Variants in USP42 observed in about 807,000 individuals in gnomAD.
USP42 encodes the protein ubiquitin specific peptidase 42.
In USP42, 23 loss-of-function variants were observed where a neutral mutation model predicts 113.0. That is an observed-to-expected ratio of 0.20 (90% CI 0.15 to 0.29). USP42 has a LOEUF of 0.29. Ranked by LOEUF, USP42 falls within the 10% of genes least tolerant of loss-of-function variation. USP42 has a pLI of 1.00. For synonymous variants in USP42, 933 were observed against 699.0 expected (o/e 1.33, Z -5.28); for missense variants, 2,174 against 1,779.8 (o/e 1.22, Z -3.99).
chr7:6,119,074 A>G (rs1470197212), intron 3 of USP42, among the ~76,000 whole-genome samples: 3 of 151,224 alleles, frequency 2.0e-5, no homozygotes, highest in East Asian at 1.9e-4. Context: ...AATTAGCTGC[A>G]TCTGGGAACT....
In USP42 at chr7:6,159,673, AC is replaced by A. The variant is rs2128529852; in HGVS notation, c.*36+182del. On this transcript the variant is annotated intron_variant, in intron 17 of 17. Coordinates refer to ENST00000306177, the MANE Select transcript of USP42 (RefSeq NM_032172.3). This position sits in a 1 kb window ranked among gnomAD's most constrained non-coding sequence, Gnocchi z 4.1. ...ACCCAGGCCACGCGCTTGGGGACAG[AC>A]CTAGACCCTCCACCTCATCACGTTT... 6.6e-6 allele frequency among the ~76,000 whole-genome samples: 1 copy of A among 152,112 alleles called. No individual in the cohort carries two copies. The highest frequency in any genetic ancestry group is 2.1e-4 in the South Asian group (1 of 4,820).
At chr7:6,140,291 A>G in intron 6 of USP42, 96 bp downstream of exon 6, 2 of 1,133,380 alleles carry the variant, frequency 1.8e-6, no homozygotes, top group Non-Finnish European at 2.6e-6. Context: ...AAGGAAGGAA[A>G]AGTGCTTCTC....
In USP42 at chr7:6,143,004, A is replaced by G; in HGVS notation, c.868A>G (p.Lys290Glu). The change falls in exon 8 of 18, where the codon AAG (lysine) becomes GAG (glutamate). Residue 290 changes from lysine to glutamate, a missense_variant. By Grantham distance (56) the Lys-to-Glu change is moderately conservative. Coordinates refer to ENST00000306177, the MANE Select transcript of USP42 (RefSeq NM_032172.3). ...ACAGCTTGATGGAGAAAACTCGTACAAGTGCAGCAAGTACGTTGGGTGGTG... is the reference window on the plus strand; with the variant it reads ...ACAGCTTGATGGAGAAAACTCGTACGAGTGCAGCAAGTACGTTGGGTGGTG... ...PEQLDGENSY[K>E]CSKCKKMVPA... is the part of the protein sequence containing the mutation. 6.2e-7 allele frequency: 1 copy of G among 1,613,956 alleles called. No homozygotes were observed.
chr7:6,088,071 A>G, the USP42 span, among the ~76,000 whole-genome samples: 31 of 151,028 alleles, frequency 2.1e-4, no homozygotes, highest in South Asian at 1.5e-3. Context: ...AGGCCAAGGC[A>G]GGAGGATTGC....
At chr7:6,095,604 G>A in the USP42 span, among the ~76,000 whole-genome samples, 4 of 151,054 alleles carry the variant, frequency 2.6e-5, no homozygotes, top group Non-Finnish European at 5.9e-5. Context: ...GGGAGGCGGA[G>A]GTTGCAATGA....
intron 14 of USP42, among the ~76,000 whole-genome samples, chr7:6,150,804 A>G (rs973964902): frequency 5.3e-5 from 8 of 152,036 alleles, no homozygotes; most frequent in African/African-American, 1.9e-4. Flanking sequence ...GTGCCATCTC[A>G]TTTCATCTTT....
At position 6,159,627 on chromosome 7, in the gene USP42, G is replaced by C; in HGVS notation, c.*36+134G>C. The C allele has an allele frequency of 1.1e-6, 1 of 881,260 alleles. No individual in the cohort carries two copies. Among genetic ancestry groups the C allele is most frequent in the South Asian group, 1.7e-5 (1 of 58,928 alleles). The allele number at this position is 881,260 out of a possible 1,614,324, so 54.6% of individuals were successfully genotyped here. A position where few individuals can be genotyped will look rare whatever the true frequency, so the allele number is the denominator to read the frequency against. On this transcript the variant is annotated intron_variant, in intron 17 of 17. Coordinates refer to ENST00000306177, the MANE Select transcript of USP42 (RefSeq NM_032172.3). This position sits in a 1 kb window ranked among gnomAD's most constrained non-coding sequence, Gnocchi z 4.1. The stretch of plus-strand genomic sequence containing the variant: ...TTGGCAGAGCCATGGAGAGGCCCCG[G>C]CAGGTTCCCAGCCAGCCCAGACCCA...
rs934929744 is a variant in USP42 at position 6,145,564 on chromosome 7, C to A, written c.1039C>A (p.Pro347Thr). The A allele has an allele frequency of 1.9e-6, 3 of 1,613,968 alleles. No homozygotes were observed. The highest frequency in any genetic ancestry group is 1.7e-5 in the Admixed American group (1 of 60,028). ...TGATATTCGGCCATATATGTCTCAA[C>A]CCAACGGAGAGCCAATTGTCTACGT... is the stretch of plus-strand genomic sequence containing the variant. ...YLDIRPYMSQ[P>T]NGEPIVYVLY... is the part of the protein sequence containing the mutation. Residue 347 changes from proline (P) to threonine (T), a missense_variant, in exon 10 of 18, where the codon CCC (proline) becomes ACC (threonine). Transcript: ENST00000306177.
intron 7 of USP42, among the ~76,000 whole-genome samples, chr7:6,141,205 T>C (rs533087797): frequency 1.2e-4 from 18 of 146,472 alleles, no homozygotes; most frequent in Non-Finnish European, 2.0e-4. Context: ...TCTTTTCTTT[T>C]TTTTTTTTTT....
intron 3 of USP42, among the ~76,000 whole-genome samples, chr7:6,129,641 A>T (rs1045743978): frequency 2.6e-5 from 4 of 151,590 alleles, no homozygotes; most frequent in Non-Finnish European, 4.4e-5. Flanking sequence ...CGGGCGGATT[A>T]CCTGAGGTCA....
chr7:6,111,183 A>G lies in USP42; in HGVS notation c.50A>G (p.Gln17Arg). The G allele has an allele frequency of 6.2e-7, 1 of 1,613,188 alleles. No individual in the cohort carries two copies. Among genetic ancestry groups the G allele is most frequent in the Middle Eastern group, 1.7e-4 (1 of 6,058 alleles). Residue 17 changes from glutamine to arginine, a missense_variant, in exon 2 of 18, where the codon CAG (glutamine) becomes CGG (arginine). Physicochemically the swap from Gln to Arg is conservative, Grantham distance 43. Transcript: ENST00000306177. Reference protein sequence around the residue: ...ASESSDPSAYQNQPGSSEAVS... With the variant: ...ASESSDPSAYRNQPGSSEAVS... The stretch of plus-strand genomic sequence containing the variant: ...GAATCTTCAGACCCATCAGCCTATC[A>G]GAATCAGCCTGGCAGCTCCGAGGCA...
chr7:6,140,519 G>A (rs1157843057), intron 6 of USP42, among the ~76,000 whole-genome samples: 3 of 152,200 alleles, frequency 2.0e-5, no homozygotes, highest in South Asian at 2.1e-4. Context: ...GTCCCCTATC[G>A]ATGGGATTTA....
intron 15 of USP42, 107 bp from the exon 16 acceptor site, chr7:6,156,647 C>G (rs1310138886): frequency 7.0e-7 from 1 of 1,430,804 alleles, no homozygotes; most frequent in Non-Finnish European, 9.2e-7. Flanking sequence ...TTGTGCGTGT[C>G]TGCACAGTGA....
intron 1 of USP42, among the ~76,000 whole-genome samples, chr7:6,107,174 CTTGAA>C (rs1779331020): frequency 1.3e-5 from 2 of 152,084 alleles, no homozygotes; most frequent in South Asian, 4.1e-4. Flanking sequence ...TTAATGATGA[CTTGAA>C]TTGTGCTTTC....
chr7:6,146,309 A>G (rs1407923425), intron 11 of USP42, 61 bp downstream of exon 11: 2 of 1,047,252 alleles, frequency 1.9e-6, no homozygotes, highest in African/African-American at 1.7e-5. Flanking sequence ...TGTCTTATCA[A>G]CATGTTTGAA....
intron 11 of USP42, among the ~76,000 whole-genome samples, chr7:6,146,826 C>T (rs909178717): frequency 2.6e-5 from 4 of 152,140 alleles, no homozygotes; most frequent in South Asian, 2.1e-4. Flanking sequence ...GCTTCTGCTG[C>T]GGGCAGTAAT....
chr7:6,125,183 CAA>C (rs56776147), intron 3 of USP42, among the ~76,000 whole-genome samples: 3 of 38,718 alleles, frequency 7.7e-5, no homozygotes. Flanking sequence ...TCTGTCTCAA[CAA>C]AAAAAAAAAA....
At position 6,154,977 on chromosome 7, in the gene USP42, C is replaced by T. The variant is rs753196314; in HGVS notation, c.3423C>T (p.Ala1141=). The T allele has an allele frequency of 3.2e-6, 5 of 1,562,200 alleles. No individual in the cohort carries two copies. Among genetic ancestry groups the T allele is most frequent in the South Asian group, 1.2e-5 (1 of 84,688 alleles). ...CCCACGACAGAACTGCACTTGTAGC[C>T]GGAGACAACTGTAACCTCTCTGATC... The part of the protein sequence containing the change: ...RFSHDRTALV[A]GDNCNLSDRF... Residue 1141 remains alanine (A), a synonymous_variant, in exon 15 of 18, where the codon GCC becomes GCT. Coordinates refer to ENST00000306177, the MANE Select transcript of USP42 (RefSeq NM_032172.3).
At chr7:6,156,408 T>C (rs1027676622) in intron 15 of USP42, among the ~76,000 whole-genome samples, 7 of 152,176 alleles carry the variant, frequency 4.6e-5, no homozygotes, top group Non-Finnish European at 7.3e-5. Flanking sequence ...CTAAAGTTGG[T>C]GAATTTATGG....
Sources: gnomAD v4.1 joint callset for allele counts (sites outside exome capture counted in the v4.1 genomes callset) on GRCh38, gnomAD v4.1.1 for gene constraint, Gnocchi (gnomAD v3.1) non-coding constraint, MANE v1.5 for transcripts, NCBI Gene and HGNC (gene_info 2026-07-23, HGNC 2026-07-21) for gene names.